Variants in CTNNAL1 observed in about 807,000 individuals in gnomAD.
CTNNAL1 encodes catenin alpha like 1.
A neutral mutation model predicts 93.6 loss-of-function variants in CTNNAL1; 69 were observed. That is an observed-to-expected ratio of 0.74 (90% confidence interval 0.61 to 0.90). CTNNAL1 has a LOEUF of 0.90. Among genes scored for constraint, CTNNAL1 ranks in the 40% least tolerant of loss-of-function variants. CTNNAL1 has a pLI of 0.00. For synonymous variants in CTNNAL1, 286 were observed against 305.4 expected (o/e 0.94, Z 0.66); for missense variants, 836 against 862.0 (o/e 0.97, Z 0.38).
intron 6 of CTNNAL1, among the ~76,000 whole-genome samples, chr9:108,982,433 C>T (rs12340116): frequency 0.14 from 20,531 of 152,078 alleles, 1,802 homozygotes; most frequent in African/African-American, 0.25. Context: ...TCTCAAAGTA[C>T]CAACCCTCTA....
At chr9:108,947,160 CTG>C (rs1830430852) in intron 15 of CTNNAL1, among the ~76,000 whole-genome samples, 1 of 146,112 alleles carries the variant, frequency 6.8e-6, no homozygotes, top group African/African-American at 2.5e-5. Flanking sequence ...GTCACCCAGA[CTG>C]GAGTGCAGTG....
intron 7 of CTNNAL1, among the ~76,000 whole-genome samples, chr9:108,977,698 G>A (rs140778829): frequency 2.2e-4 from 34 of 152,208 alleles, no homozygotes; most frequent in African/African-American, 8.2e-4. Context: ...ATAGCAAATG[G>A]TAGGTCGTAG....
At chr9:108,992,080 G>C (rs1831829280) in intron 3 of CTNNAL1, 1 of 764,488 alleles carries the variant, frequency 1.3e-6, no homozygotes. Context: ...GATTTGGGAG[G>C]GAAAAAAAGT....
chr9:108,972,683 G>C lies in CTNNAL1; in HGVS notation c.1339C>G (p.Leu447Val), dbSNP rs748836879. 1.9e-6 allele frequency: 3 copies of C among 1,611,328 alleles called. No homozygotes were observed. The East Asian group carries it at 6.7e-5, about 36-fold the overall frequency. ...ACKLSEQKEQ[L>V]VETCRLLRHI... ...GCACCTTGTTTACTCACCTCAACAAGCTGCTCTTTCTGTTCAGAGAGTTTA... is the reference window on the plus strand; with the variant it reads ...GCACCTTGTTTACTCACCTCAACAACCTGCTCTTTCTGTTCAGAGAGTTTA... The change falls in exon 9 of 19, where the codon CTT becomes GTT. Residue 447 changes from leucine to valine, a missense_variant. Leu to Val is a conservative substitution (Grantham distance 32, BLOSUM62 1). Coordinates refer to ENST00000325551, the MANE Select transcript of CTNNAL1 (RefSeq NM_003798.4).
At chr9:108,971,750 G>A (rs988775654) in intron 9 of CTNNAL1, among the ~76,000 whole-genome samples, 1 of 152,146 alleles carries the variant, frequency 6.6e-6, no homozygotes, top group Admixed American at 6.5e-5. Flanking sequence ...AGTGAGAACA[G>A]ACTAATACAG....
chr9:109,013,207 G>A, intron 1 of CTNNAL1, 95 bp downstream of exon 1: 2 of 1,346,304 alleles, frequency 1.5e-6, no homozygotes, highest in Non-Finnish European at 1.9e-6. Flanking sequence ...GGAAAGTGGG[G>A]CAGCGGCTGC....
chr9:109,000,007 G>T (rs796648675), intron 1 of CTNNAL1, among the ~76,000 whole-genome samples: 11 of 152,300 alleles, frequency 7.2e-5, no homozygotes, highest in African/African-American at 2.4e-4. Flanking sequence ...ATTGCTCAAT[G>T]TACATGTACT....
chr9:108,997,039 G>A (rs759254091), intron 2 of CTNNAL1, among the ~76,000 whole-genome samples: 32 of 152,112 alleles, frequency 2.1e-4, no homozygotes, highest in Non-Finnish European at 3.2e-4. Context: ...ATTTTAATAA[G>A]TTTATTGAAC....
intron 11 of CTNNAL1, among the ~76,000 whole-genome samples, chr9:108,957,300 T>A (rs116632148): frequency 0.012 from 1,778 of 152,072 alleles, 42 homozygotes; most frequent in African/African-American, 0.04. Flanking sequence ...GTATTTTTTT[T>A]AAGAGATGAG....
intron 8 of CTNNAL1, 34 bp from the exon 9 acceptor site, chr9:108,972,867 GGT>G: frequency 1.5e-6 from 2 of 1,376,018 alleles, no homozygotes; most frequent in Non-Finnish European, 1.9e-6. Context: ...GGGGTGGGAG[GGT>G]GGAGAAGGAG....
Position 109,001,537 on chromosome 9 carries a change from C to CT in CTNNAL1, c.142-2282dup, listed in dbSNP as rs1826828947. Among the ~76,000 whole-genome samples the CT allele has an allele frequency of 2.0e-5, 3 of 152,166 alleles. No homozygotes were observed. In the South Asian group the frequency reaches 6.2e-4, roughly 31 times the overall value. On this transcript the variant is annotated intron_variant, in intron 1 of 18. Coordinates refer to ENST00000325551, the MANE Select transcript of CTNNAL1 (RefSeq NM_003798.4). ...GAGTAGGTCATAGAACACATAGTGA[C>CT]TTTCATCTTACTCACTCACTCACTC...
Position 108,976,966 on chromosome 9 carries a change from T to C in CTNNAL1, c.1184A>G (p.Lys395Arg), listed in dbSNP as rs1831284284. ...TAAATTTCAAACTATACTTACTTCT[T>C]TCTTAAGTTCATTAAGACTGTGACT... ...KISHSLNELK[K>R]ELHSTATQLA... is the part of the protein sequence containing the mutation. Residue 395 changes from lysine to arginine, a missense_variant, in exon 8 of 19, where the codon AAA (lysine) becomes AGA (arginine). Physicochemically the swap from Lys to Arg is conservative, Grantham distance 26. Transcript: ENST00000325551. 1 of 1,390,190 alleles carries C rather than the reference T, an allele frequency of 7.2e-7. No homozygotes were observed. The highest frequency in any genetic ancestry group is 1.5e-5 in the African/African-American group (1 of 66,872). 86.1% of individuals were successfully genotyped at this position (1,390,190 alleles called of 1,614,324 possible). A position where few individuals can be genotyped will look rare whatever the true frequency, so the allele number is the denominator to read the frequency against.
intron 11 of CTNNAL1, among the ~76,000 whole-genome samples, chr9:108,958,970 ATAAAC>A (rs1830755200): frequency 6.6e-6 from 1 of 151,742 alleles, no homozygotes; most frequent in African/African-American, 2.4e-5. Flanking sequence ...AAAAAAAAGA[ATAAAC>A]TGGCTCAGCC....
chr9:109,002,819 A>T (rs1587992944), intron 1 of CTNNAL1, among the ~76,000 whole-genome samples: 1 of 148,148 alleles, frequency 6.8e-6, no homozygotes, highest in South Asian at 2.1e-4. Context: ...CCCCATCTCC[A>T]CTAAAAAAAA....
chr9:108,999,310 C>A, intron 1 of CTNNAL1, 54 bp from the exon 2 acceptor site: 1 of 1,523,964 alleles, frequency 6.6e-7, no homozygotes, highest in South Asian at 1.3e-5. Flanking sequence ...CTTTTTTAAG[C>A]TGTATCACAA....
intron 6 of CTNNAL1, 66 bp from the exon 7 acceptor site, chr9:108,979,547 G>A: frequency 6.8e-7 from 1 of 1,471,128 alleles, no homozygotes; most frequent in Non-Finnish European, 9.4e-7. Flanking sequence ...AAAATGGGCT[G>A]TAATTTCTAA....
chr9:109,002,650 G>A (rs1052975263), intron 1 of CTNNAL1, among the ~76,000 whole-genome samples: 1 of 152,040 alleles, frequency 6.6e-6, no homozygotes, highest in South Asian at 2.1e-4. Context: ...AAAGAAACAC[G>A]GATAAATAAA....
rs148043628 is a variant in CTNNAL1 at position 108,973,239 on chromosome 9, T to C, written c.1189-406A>G. ...CTTAGGTGAAAAATGCTTCTGCTAA[T>C]CTTAAAGTTGGTGAGGAATGAAACA... is the stretch of plus-strand genomic sequence containing the variant. On this transcript the variant is annotated intron_variant, in intron 8 of 18. Coordinates refer to ENST00000325551, the MANE Select transcript of CTNNAL1 (RefSeq NM_003798.4). 2.0e-5 allele frequency among the ~76,000 whole-genome samples: 3 copies of C among 152,312 alleles called. No individual in the cohort carries two copies. In the East Asian group the frequency reaches 5.8e-4, roughly 29 times the overall value.
intron 1 of CTNNAL1, among the ~76,000 whole-genome samples, chr9:109,010,007 T>A (rs917975689): frequency 4.6e-5 from 7 of 152,294 alleles, no homozygotes; most frequent in South Asian, 2.1e-4. Flanking sequence ...TGGATTTTTT[T>A]AATAATTACT....
Sources: gnomAD v4.1 joint callset for allele counts (sites outside exome capture counted in the v4.1 genomes callset) on GRCh38, gnomAD v4.1.1 for gene constraint, MANE v1.5 for transcripts, NCBI Gene and HGNC (gene_info 2026-07-23, HGNC 2026-07-21) for gene names.